Variants in FBXW7 observed in about 807,000 individuals in gnomAD.
FBXW7 encodes the protein F-box/WD repeat-containing protein 7.
In FBXW7, 11 loss-of-function variants were observed where a neutral mutation model predicts 86.3. The ratio of observed to expected loss-of-function variants is 0.13; its 90% CI spans 0.08 to 0.21. The LOEUF is 0.21. Among genes scored for constraint, FBXW7 ranks in the 10% least tolerant of loss-of-function variants. The pLI, the probability that FBXW7 is intolerant of heterozygous loss-of-function variation, is 1.00. For missense variants in FBXW7, 488 were observed against 847.4 expected (o/e 0.58, Z 5.27); for synonymous variants, 313 against 297.9 (o/e 1.05, Z -0.52).
intron 2 of FBXW7, among the ~76,000 whole-genome samples, chr4:152,499,298 T>C (rs1056582550): frequency 9.2e-5 from 14 of 152,276 alleles, no homozygotes; most frequent in African/African-American, 3.1e-4. Context: ...TGAATTCATG[T>C]CTTACACAGA....
At chr4:152,465,601 T>TA (rs1743334569) in intron 2 of FBXW7, among the ~76,000 whole-genome samples, 1 of 152,216 alleles carries the variant, frequency 6.6e-6, no homozygotes, top group African/African-American at 2.4e-5. Flanking sequence ...TCCCAGCACT[T>TA]TGGGAGGCCA....
intron 2 of FBXW7, among the ~76,000 whole-genome samples, chr4:152,527,863 TATAC>T (rs1451689111): frequency 4.9e-4 from 51 of 103,906 alleles, no homozygotes; most frequent in African/African-American, 1.7e-3. Context: ...TTAAAAATTA[TATAC>T]ACACACACAC....
In FBXW7 at chr4:152,496,379, G is replaced by T. The variant is rs530296151; in HGVS notation, c.-120+38562C>A. The stretch of plus-strand genomic sequence containing the variant: ...AAAACCTAAAAAAAAAAAATCTAAT[G>T]AAGACTTCTATCAAGAAAAAAATGG... On this transcript the variant is annotated intron_variant, in intron 2 of 13. Coordinates refer to ENST00000281708, the MANE Select transcript of FBXW7 (RefSeq NM_001349798.2). Among the ~76,000 whole-genome samples the T allele has an allele frequency of 4.6e-5, 7 of 151,856 alleles. No homozygotes were observed. The South Asian group carries it at 1.2e-3, about 27-fold the overall frequency.
chr4:152,474,290 A>G (rs1010970851), intron 2 of FBXW7, among the ~76,000 whole-genome samples: 1 of 152,242 alleles, frequency 6.6e-6, no homozygotes, highest in African/African-American at 2.4e-5. Context: ...AAGACTGCTC[A>G]TGAATTCTAA....
At chr4:152,507,221 T>A (rs949385892) in intron 2 of FBXW7, among the ~76,000 whole-genome samples, 1 of 152,144 alleles carries the variant, frequency 6.6e-6, no homozygotes, top group Non-Finnish European at 1.5e-5. Flanking sequence ...CACATGGAAG[T>A]GAACTGAGAG....
intron 2 of FBXW7, among the ~76,000 whole-genome samples, chr4:152,457,048 AAAAC>A (rs1742479096): frequency 6.6e-6 from 1 of 152,262 alleles, no homozygotes; most frequent in South Asian, 2.1e-4. Flanking sequence ...TAAAAAAACA[AAAAC>A]AAAGTTTTGA....
At chr4:152,507,772 C>T (rs373660879) in intron 2 of FBXW7, among the ~76,000 whole-genome samples, 192 of 152,154 alleles carry the variant, frequency 1.3e-3, no homozygotes, top group African/African-American at 4.4e-3. Context: ...AGCCTTCTGA[C>T]CAGGTGTGGT....
chr4:152,357,812 T>A lies in FBXW7; in HGVS notation c.502-7688A>T, dbSNP rs1013675650. Among the ~76,000 whole-genome samples the A allele has an allele frequency of 7.4e-4, 112 of 152,246 alleles. 1 individual carries two copies. Among genetic ancestry groups the A allele is most frequent in the African/African-American group, 2.7e-3 (111 of 41,540 alleles). ...ATGTATTTATCTACAAATATATAAA[T>A]ATACACACATACATAATTCATACCC... On this transcript the variant is annotated intron_variant, in intron 4 of 13. Transcript: ENST00000281708.
At chr4:152,488,876 A>G (rs1221639438) in intron 2 of FBXW7, among the ~76,000 whole-genome samples, 1 of 152,092 alleles carries the variant, frequency 6.6e-6, no homozygotes. Flanking sequence ...AAGGCAAAGA[A>G]AATACAGCAA....
intron 4 of FBXW7, among the ~76,000 whole-genome samples, chr4:152,399,540 G>A (rs1034487120): frequency 6.6e-6 from 1 of 151,770 alleles, no homozygotes; most frequent in East Asian, 1.9e-4. Flanking sequence ...GTCTTTTTTG[G>A]CACATGACAT....
chr4:152,498,013 G>C (rs1746527582), intron 2 of FBXW7, among the ~76,000 whole-genome samples: 1 of 152,166 alleles, frequency 6.6e-6, no homozygotes, highest in Admixed American at 6.5e-5. Context: ...TAATCGTAAG[G>C]ACTTTAGGAT....
Position 152,411,860 on chromosome 4 carries a change from A to C in FBXW7, c.-57T>G. 2 of 1,499,300 alleles carry C rather than the reference A, an allele frequency of 1.3e-6. No homozygotes were observed. Among genetic ancestry groups the C allele is most frequent in the Non-Finnish European group, 1.8e-6 (2 of 1,124,752 alleles). 92.9% of individuals were successfully genotyped at this position (1,499,300 alleles called of 1,614,324 possible). A position where few individuals can be genotyped will look rare whatever the true frequency, so the allele number is the denominator to read the frequency against. The stretch of plus-strand genomic sequence containing the variant: ...TTGGCTAGACTATCAGAAGATGCAA[A>C]GGTTTTCACATTCTGCAGGGGAAAA... On this transcript the variant is annotated 5_prime_UTR_variant, in exon 4 of 14. Coordinates refer to ENST00000281708, the MANE Select transcript of FBXW7 (RefSeq NM_001349798.2).
chr4:152,434,813 TCAGA>T (rs1740226371), intron 2 of FBXW7, among the ~76,000 whole-genome samples: 1 of 152,160 alleles, frequency 6.6e-6, no homozygotes, highest in Non-Finnish European at 1.5e-5. Flanking sequence ...ATATACAATT[TCAGA>T]CAAACTGATG....
intron 2 of FBXW7, among the ~76,000 whole-genome samples, chr4:152,492,938 TGGAACAACA>T (rs1441508035): frequency 6.6e-6 from 1 of 151,954 alleles, no homozygotes; most frequent in Non-Finnish European, 1.5e-5. Context: ...AATTAAGTGC[TGGAACAACA>T]GGTATGCAGT....
intron 2 of FBXW7, among the ~76,000 whole-genome samples, chr4:152,475,341 C>A (rs955193302): frequency 5.9e-5 from 9 of 151,930 alleles, no homozygotes; most frequent in African/African-American, 2.2e-4. Flanking sequence ...GCAGGAAGAC[C>A]ACTTGGGCCC....
chr4:152,522,103 A>AAG (rs1330943530), intron 2 of FBXW7, among the ~76,000 whole-genome samples: 1 of 152,136 alleles, frequency 6.6e-6, no homozygotes, highest in Non-Finnish European at 1.5e-5. Flanking sequence ...AACATATGGA[A>AAG]AGAGAGAGAG....
intron 4 of FBXW7, among the ~76,000 whole-genome samples, chr4:152,394,204 C>T (rs1407554243): frequency 6.6e-6 from 1 of 152,010 alleles, no homozygotes; most frequent in Non-Finnish European, 1.5e-5. Flanking sequence ...TAGATATTTT[C>T]TGTAGTATCA....
chr4:152,533,349 T>C (rs1750183472), intron 2 of FBXW7, among the ~76,000 whole-genome samples: 1 of 152,196 alleles, frequency 6.6e-6, no homozygotes, highest in South Asian at 2.1e-4. Context: ...TTCTACTGTA[T>C]TTTGGGTACA....
At chr4:152,517,106 A>C (rs1748567582) in intron 2 of FBXW7, among the ~76,000 whole-genome samples, 1 of 152,220 alleles carries the variant, frequency 6.6e-6, no homozygotes, top group Admixed American at 6.5e-5. Flanking sequence ...TATACGCATG[A>C]GCTACCGTGC....
Sources: gnomAD v4.1 joint callset for allele counts (sites outside exome capture counted in the v4.1 genomes callset) on GRCh38, gnomAD v4.1.1 for gene constraint, MANE v1.5 for transcripts, NCBI Gene and HGNC (gene_info 2026-07-23, HGNC 2026-07-21) for gene names.